FAM120B: variants seen among roughly 807,000 people sequenced by gnomAD.
FAM120B encodes the protein constitutive coactivator of peroxisome proliferator-activated receptor gamma.
A neutral mutation model predicts 96.3 loss-of-function variants in FAM120B; 83 were observed. The ratio of observed to expected loss-of-function variants is 0.86; its 90% CI spans 0.72 to 1.03. FAM120B has a LOEUF of 1.03. Among genes scored for constraint, FAM120B ranks in the 50% least tolerant of loss-of-function variants. The probability of loss-of-function intolerance (pLI) is 0.00; values close to 1 mark genes in which losing one functional copy is unlikely to be tolerated. For synonymous variants in FAM120B, 407 were observed against 402.7 expected, an observed-to-expected ratio of 1.01 and a Z score of -0.13; for missense variants, 1,027 against 1,121.2, an observed-to-expected ratio of 0.92 and a Z score of 1.20.
chr6:170,297,942 A>C (rs1473612199), intron 1 of FAM120B: 1 of 152,256 alleles, frequency 6.6e-6, no homozygotes, highest in African/African-American at 2.4e-5. Context: ...TAGGCCACAC[A>C]GCCAAAAGGT....
intron 6 of FAM120B, among the ~76,000 whole-genome samples, chr6:170,367,432 T>C (rs1042848229): frequency 5.3e-5 from 8 of 152,272 alleles, no homozygotes; most frequent in Non-Finnish European, 1.0e-4. Context: ...CACATAGCCA[T>C]GCTCAGTCAT....
At chr6:170,380,089 A>G (rs2115282210) in intron 6 of FAM120B, among the ~76,000 whole-genome samples, 1 of 152,230 alleles carries the variant, frequency 6.6e-6, no homozygotes, top group East Asian at 1.9e-4. Context: ...TGCAGGTGAG[A>G]TTGTGCAGTA....
rs188414778 is a variant in FAM120B at position 170,318,103 on chromosome 6, T to A, written c.713T>A (p.Met238Lys). 1 of 1,614,240 alleles carries A rather than the reference T, an allele frequency of 6.2e-7. No homozygotes were observed. The highest frequency in any genetic ancestry group is 2.2e-5 in the East Asian group (1 of 44,886). ...GGCAACGACATAATCCCAGAGGGCA[T>A]GTTTGAAAGCTTTAGGTACAAATGC... ...LLGNDIIPEG[M>K]FESFRYKCLS... Residue 238 changes from methionine (M) to lysine (K), a missense_variant, in exon 2 of 11, where the codon ATG becomes AAG. By Grantham distance (95) the Met-to-Lys change is moderately conservative (BLOSUM62 -1). Coordinates refer to ENST00000476287, the MANE Select transcript of FAM120B (RefSeq NM_032448.3).
At position 170,395,509 on chromosome 6, in the gene FAM120B, C is replaced by T. The variant is rs202116797; in HGVS notation, c.2622C>T (p.Ser874=). 179 of 1,597,714 alleles carry T rather than the reference C, an allele frequency of 1.1e-4. No homozygotes were observed. The highest frequency in any genetic ancestry group is 1.4e-4 in the Non-Finnish European group (167 of 1,172,302). Residue 874 remains serine (S), a synonymous_variant, in exon 9 of 11, where the codon TCC becomes TCT. Coordinates refer to ENST00000476287, the MANE Select transcript of FAM120B (RefSeq NM_032448.3). ...HHAGRWGRQG[S]SYHRTGSGYS... ...CAGGGAGGTGGGGAAGACAGGGCTC[C>T]AGCTACCACAGGACGGGCTCTGGGT...
At chr6:170,391,635 A>C (rs1393231037) in intron 8 of FAM120B, among the ~76,000 whole-genome samples, 2 of 152,210 alleles carry the variant, frequency 1.3e-5, no homozygotes, top group African/African-American at 4.8e-5. Context: ...AATAATGAAG[A>C]ACTCTTTCTC....
intron 9 of FAM120B, chr6:170,404,115 C>A: frequency 6.1e-6 from 1 of 162,738 alleles, no homozygotes; most frequent in Non-Finnish European, 1.3e-5. Flanking sequence ...CGAGTCTCTT[C>A]CCAACGTTCC....
chr6:170,360,514 G>T (rs1788281469), intron 6 of FAM120B, among the ~76,000 whole-genome samples: 1 of 152,128 alleles, frequency 6.6e-6, no homozygotes, highest in Admixed American at 6.6e-5. Context: ...TGTAGAAAAA[G>T]GTTGGTTTTA....
chr6:170,360,935 G>C (rs902493093), intron 6 of FAM120B, among the ~76,000 whole-genome samples: 1 of 151,968 alleles, frequency 6.6e-6, no homozygotes, highest in African/African-American at 2.4e-5. Context: ...TCCAGGTGCA[G>C]CCTCCCCACA....
At chr6:170,311,825 A>G (rs1784613840) in intron 1 of FAM120B, among the ~76,000 whole-genome samples, 1 of 152,250 alleles carries the variant, frequency 6.6e-6, no homozygotes, top group African/African-American at 2.4e-5. Context: ...CTGAATATTC[A>G]TGAGTTACAA....
At chr6:170,377,091 G>C (rs1302899955) in intron 6 of FAM120B, among the ~76,000 whole-genome samples, 1 of 132,620 alleles carries the variant, frequency 7.5e-6, no homozygotes, top group Non-Finnish European at 1.6e-5. Context: ...ACGCTGCTCG[G>C]TGCTGTGCAC....
intron 6 of FAM120B, among the ~76,000 whole-genome samples, chr6:170,374,551 T>C (rs1374599416): frequency 6.6e-6 from 1 of 152,228 alleles, no homozygotes; most frequent in African/African-American, 2.4e-5. Flanking sequence ...AGGCTTTCTT[T>C]CACTGAAAAA....
chr6:170,343,096 C>G (rs1786945569), intron 4 of FAM120B, among the ~76,000 whole-genome samples: 1 of 152,158 alleles, frequency 6.6e-6, no homozygotes, highest in African/African-American at 2.4e-5. Flanking sequence ...GTTAGCCATT[C>G]TTTTTAGAGA....
Position 170,390,993 on chromosome 6 carries a change from T to C in FAM120B, c.2491-20T>C. The C allele has an allele frequency of 1.9e-6, 3 of 1,608,650 alleles. No homozygotes were observed. Among genetic ancestry groups the C allele is most frequent in the Non-Finnish European group, 1.7e-6 (2 of 1,175,372 alleles). On this transcript the variant is annotated intron_variant, in intron 7 of 10. Transcript: ENST00000476287. ...CACATCTGGCCCCTCACATCTCATT[T>C]GCATCTGGTCTGTTTGCAGAGATCT...
chr6:170,314,592 A>G (rs1784782208), intron 1 of FAM120B, among the ~76,000 whole-genome samples: 1 of 152,218 alleles, frequency 6.6e-6, no homozygotes, highest in Non-Finnish European at 1.5e-5. Context: ...TTTTATATAC[A>G]CATATTATTT....
At chr6:170,368,875 T>C (rs1346144787) in intron 6 of FAM120B, among the ~76,000 whole-genome samples, 6 of 151,684 alleles carry the variant, frequency 4.0e-5, no homozygotes, top group Admixed American at 3.9e-4. Flanking sequence ...TATGTCCTCA[T>C]AGGTTGGAGA....
chr6:170,302,021 G>A (rs1295754738), upstream of FAM120B, among the ~76,000 whole-genome samples: 3 of 152,042 alleles, frequency 2.0e-5, no homozygotes, highest in African/African-American at 7.3e-5. Flanking sequence ...CCACATTTTT[G>A]GGTATCTTTA....
intron 6 of FAM120B, among the ~76,000 whole-genome samples, chr6:170,361,218 A>ACACG (rs1554286340): frequency 4.6e-5 from 5 of 108,878 alleles, no homozygotes; most frequent in African/African-American, 1.4e-4. Flanking sequence ...ATATATATAT[A>ACACG]TATATATATA....
intron 4 of FAM120B, among the ~76,000 whole-genome samples, chr6:170,332,698 CA>C (rs34931418): frequency 2.4e-4 from 35 of 145,500 alleles, no homozygotes; most frequent in Admixed American, 4.8e-4. Flanking sequence ...GACTCCATCT[CA>C]AAAAAAAAAA....
At chr6:170,291,047 C>G (rs1429563478), upstream of FAM120B, 1 of 701,868 alleles carries the variant, frequency 1.4e-6, no homozygotes, top group Non-Finnish European at 2.6e-6. Flanking sequence ...CTTTTCCAAA[C>G]CCTCCTCTCA....
Sources: allele counts gnomAD v4.1 joint callset (sites outside exome capture counted in the v4.1 genomes callset), GRCh38; gene constraint gnomAD v4.1.1; transcripts MANE v1.5; gene names NCBI Gene and HGNC (gene_info 2026-07-23, HGNC 2026-07-21).